Variants in FAM163A observed in about 807,000 individuals in gnomAD.
The protein encoded by FAM163A is protein FAM163A.
Under a neutral mutation model 12.0 loss-of-function variants are expected in FAM163A, and 7 were observed. The observed-to-expected ratio is 0.58, with a 90% CI of 0.33 to 1.10. The LOEUF is 1.10. Among genes scored for constraint, FAM163A ranks in the 50% least tolerant of loss-of-function variants. The probability of loss-of-function intolerance (pLI) is 0.03; values close to 1 mark genes in which losing one functional copy is unlikely to be tolerated. For synonymous variants in FAM163A, 101 were observed against 91.0 expected, an observed-to-expected ratio of 1.11 and a Z score of -0.62; for missense variants, 202 against 218.6, an observed-to-expected ratio of 0.92 and a Z score of 0.48.
At chr1:179,755,174 C>A (rs1032174333) in intron 1 of FAM163A, among the ~76,000 whole-genome samples, 1 of 84,782 alleles carries the variant, frequency 1.2e-5, no homozygotes, top group Non-Finnish European at 2.2e-5. Flanking sequence ...CTAAAGAATT[C>A]TCCCACTCTA....
intron 1 of FAM163A, among the ~76,000 whole-genome samples, chr1:179,806,436 CG>C (rs1189721647): frequency 1.3e-5 from 2 of 152,020 alleles, no homozygotes; most frequent in African/African-American, 2.4e-5. Context: ...AGAGGTGATA[CG>C]GGGACAGGGC....
chr1:179,767,354 A>G (rs1687647508), intron 1 of FAM163A, among the ~76,000 whole-genome samples: 1 of 152,162 alleles, frequency 6.6e-6, no homozygotes, highest in South Asian at 2.1e-4. Flanking sequence ...CTGCAGACCG[A>G]GTGCCCTGGG....
chr1:179,733,716 C>T, the FAM163A span, among the ~76,000 whole-genome samples: 43 of 152,276 alleles, frequency 2.8e-4, no homozygotes, highest in African/African-American at 9.9e-4. Flanking sequence ...CACTTCAAAA[C>T]AGGCACAAAG....
At chr1:179,772,354 A>C (rs1571407141) in intron 1 of FAM163A, among the ~76,000 whole-genome samples, 1 of 151,740 alleles carries the variant, frequency 6.6e-6, no homozygotes, top group South Asian at 2.1e-4. Context: ...GCATTTTGTT[A>C]CCTCCCCAGT....
chr1:179,748,083 G>T (rs1303754230), intron 1 of FAM163A, among the ~76,000 whole-genome samples: 1 of 152,162 alleles, frequency 6.6e-6, no homozygotes, highest in Admixed American at 6.5e-5. Context: ...CAAGGAGAAA[G>T]GTCAGCAAGG....
chr1:179,750,924 G>A lies in FAM163A; in HGVS notation c.-136+7501G>A, dbSNP rs140643788. On this transcript the variant is annotated intron_variant, in intron 1 of 4. Coordinates refer to ENST00000341785, the MANE Select transcript of FAM163A (RefSeq NM_173509.3). ...TTCGAGATGGTAAAATGGAGAGGAAGTGATGGTTTGGATGTGAGAGTTGGG... is the reference window on the plus strand; with the variant it reads ...TTCGAGATGGTAAAATGGAGAGGAAATGATGGTTTGGATGTGAGAGTTGGG... Among the ~76,000 whole-genome samples the A allele has an allele frequency of 7.9e-3, 1,204 of 152,288 alleles. 18 individuals carry two copies. The highest frequency in any genetic ancestry group is 0.027 in the African/African-American group (1,130 of 41,556).
chr1:179,808,332 A>G (rs950856995), intron 2 of FAM163A, among the ~76,000 whole-genome samples: 8 of 152,264 alleles, frequency 5.3e-5, no homozygotes, highest in African/African-American at 1.9e-4. Flanking sequence ...TCAGCAGCTT[A>G]AAACAACACA....
chr1:179,808,553 G>T (rs1214640552), intron 2 of FAM163A, among the ~76,000 whole-genome samples: 1 of 152,220 alleles, frequency 6.6e-6, no homozygotes, highest in Non-Finnish European at 1.5e-5. Context: ...GCCACCCTAG[G>T]TTTCTTCCCC....
At chr1:179,749,709 A>AG (rs397816008) in intron 1 of FAM163A, among the ~76,000 whole-genome samples, 1 of 151,262 alleles carries the variant, frequency 6.6e-6, no homozygotes, top group East Asian at 1.9e-4. Flanking sequence ...TATACAAAAA[A>AG]TTAGCCAGGC....
chr1:179,766,598 A>G (rs1215403814), intron 1 of FAM163A, among the ~76,000 whole-genome samples: 1 of 152,200 alleles, frequency 6.6e-6, no homozygotes, highest in African/African-American at 2.4e-5. Flanking sequence ...CCTTTCCTCC[A>G]ATTAATCTGC....
chr1:179,814,243 A>G lies in FAM163A; in HGVS notation c.*54A>G, dbSNP rs1175432461. The G allele has an allele frequency of 1.9e-5, 29 of 1,531,484 alleles. No individual in the cohort carries two copies. The East Asian group carries it at 3.6e-4, about 19-fold the overall frequency. 94.9% of individuals were successfully genotyped at this position (1,531,484 alleles called of 1,614,324 possible). A position where few individuals can be genotyped will look rare whatever the true frequency, so the allele number is the denominator to read the frequency against. On this transcript the variant is annotated 3_prime_UTR_variant, in exon 5 of 5. Transcript: ENST00000341785. ...CCACACTGCTGCCCTGGCGGGGGCCATGGGGGTGATGAATGACCCTCCAAC... is the reference window on the plus strand; with the variant it reads ...CCACACTGCTGCCCTGGCGGGGGCCGTGGGGGTGATGAATGACCCTCCAAC...
chr1:179,741,122 C>T (rs1571265031), upstream of FAM163A, among the ~76,000 whole-genome samples: 1 of 152,238 alleles, frequency 6.6e-6, no homozygotes, highest in Admixed American at 6.5e-5. Flanking sequence ...AAAAAATGGG[C>T]AAACATTTGA....
At chr1:179,758,008 G>T (rs1686272878) in intron 1 of FAM163A, among the ~76,000 whole-genome samples, 1 of 152,220 alleles carries the variant, frequency 6.6e-6, no homozygotes, top group African/African-American at 2.4e-5. Context: ...AGATGCTAAG[G>T]ATGTTTTTGG....
the FAM163A span, among the ~76,000 whole-genome samples, chr1:179,731,988 C>A: frequency 6.6e-6 from 1 of 152,088 alleles, no homozygotes; most frequent in Non-Finnish European, 1.5e-5. Context: ...GGCTAATAAT[C>A]CCAGGTCTCA....
At chr1:179,783,652 A>G (rs898812730) in intron 1 of FAM163A, among the ~76,000 whole-genome samples, 1 of 142,226 alleles carries the variant, frequency 7.0e-6, no homozygotes, top group Non-Finnish European at 1.6e-5. Flanking sequence ...CCAGAATCTG[A>G]TCCTGTTTGT....
chr1:179,771,832 C>T (rs996699790), intron 1 of FAM163A, among the ~76,000 whole-genome samples: 6 of 151,982 alleles, frequency 3.9e-5, no homozygotes, highest in East Asian at 3.9e-4. Flanking sequence ...CCCTGGATGC[C>T]GCTGGCCATC....
intron 1 of FAM163A, among the ~76,000 whole-genome samples, chr1:179,767,145 C>A (rs868722863): frequency 4.2e-4 from 64 of 152,270 alleles, no homozygotes; most frequent in African/African-American, 1.4e-3. Flanking sequence ...GGCACCAAGA[C>A]AATATGACCG....
At chr1:179,805,139 G>T (rs1482534339) in intron 1 of FAM163A, among the ~76,000 whole-genome samples, 2 of 151,916 alleles carry the variant, frequency 1.3e-5, no homozygotes, top group Non-Finnish European at 2.9e-5. Flanking sequence ...AAAAAACTTG[G>T]CCCAATCCCA....
At chr1:179,812,492 G>A (rs537335666) in intron 3 of FAM163A, among the ~76,000 whole-genome samples, 6 of 152,286 alleles carry the variant, frequency 3.9e-5, no homozygotes, top group South Asian at 4.1e-4. Flanking sequence ...TGGTGTTTTC[G>A]AGATGTGGCC....
Sources: allele counts gnomAD v4.1 joint callset (sites outside exome capture counted in the v4.1 genomes callset), GRCh38; gene constraint gnomAD v4.1.1; transcripts MANE v1.5; gene names NCBI Gene and HGNC (gene_info 2026-07-23, HGNC 2026-07-21).